Variants in CORO7 observed in about 807,000 individuals in gnomAD.
The protein encoded by CORO7 is coronin 7.
CORO7 carries 107 observed loss-of-function variants against 126.6 expected under a neutral mutation model. That is an observed-to-expected ratio of 0.85 (90% CI 0.72 to 0.99). The LOEUF is 0.99. Ranked by LOEUF, CORO7 falls within the 50% of genes least tolerant of loss-of-function variation. The pLI is 0.00. For synonymous variants in CORO7, 603 were observed against 536.8 expected (o/e 1.12, Z -1.70); for missense variants, 1,314 against 1,255.8 (o/e 1.05, Z -0.70).
intron 6 of CORO7, among the ~76,000 whole-genome samples, chr16:4,402,533 C>T (rs532298775): frequency 6.6e-6 from 1 of 152,328 alleles, no homozygotes; most frequent in Admixed American, 6.5e-5. Flanking sequence ...AGGCGTGAGC[C>T]AGCGACCGGC....
At chr16:4,369,634 A>AGCACC (rs2054458527) in intron 9 of CORO7, among the ~76,000 whole-genome samples, 1 of 152,172 alleles carries the variant, frequency 6.6e-6, no homozygotes, top group Non-Finnish European at 1.5e-5. Context: ...TCCTGTGATT[A>AGCACC]GCACCGAGGG....
chr16:4,408,152 G>C lies in CORO7; in HGVS notation c.303+29C>G, dbSNP rs1380831680. 1.9e-6 allele frequency: 3 copies of C among 1,614,016 alleles called. No individual in the cohort carries two copies. The East Asian group carries it at 6.7e-5, about 36-fold the overall frequency. Reference sequence around the variant, plus strand: ...GCCCTGGACTACGGGCTGGGACATAGAGCAGCTCTTCCAACTGGCTCCACT... The same window carrying C: ...GCCCTGGACTACGGGCTGGGACATACAGCAGCTCTTCCAACTGGCTCCACT... On this transcript the variant is annotated intron_variant, in intron 4 of 27. Transcript: ENST00000251166.
chr16:4,397,625 G>A (rs1003741106), intron 6 of CORO7, among the ~76,000 whole-genome samples: 2 of 151,914 alleles, frequency 1.3e-5, no homozygotes, highest in Admixed American at 1.3e-4. Context: ...ATTTGTTTTT[G>A]TTTTTGAGAT....
chr16:4,401,366 G>A (rs2055800179), intron 6 of CORO7, among the ~76,000 whole-genome samples: 1 of 152,210 alleles, frequency 6.6e-6, no homozygotes, highest in Non-Finnish European at 1.5e-5. Context: ...TCTGGAGAGG[G>A]CCTCAAAAGC....
chr16:4,357,861 G>A, intron 25 of CORO7, 107 bp downstream of exon 25: 1 of 1,506,682 alleles, frequency 6.6e-7, no homozygotes, highest in Non-Finnish European at 8.9e-7. Flanking sequence ...CCTCCCAAAG[G>A]CCAGAGGATT....
At chr16:4,415,753 T>A (rs1210371136) in intron 1 of CORO7, 1 of 985,050 alleles carries the variant, frequency 1.0e-6, no homozygotes, top group East Asian at 1.1e-4. Flanking sequence ...CTGACATCGT[T>A]TCCAAGGCGC....
intron 9 of CORO7, among the ~76,000 whole-genome samples, chr16:4,368,535 G>A (rs901095362): frequency 2.6e-5 from 4 of 151,846 alleles, no homozygotes; most frequent in Non-Finnish European, 4.4e-5. Context: ...ATCACTTTGG[G>A]TCAGGAGTTT....
intron 21 of CORO7, among the ~76,000 whole-genome samples, chr16:4,360,062 C>T (rs889909241): frequency 6.7e-6 from 1 of 149,124 alleles, no homozygotes; most frequent in Non-Finnish European, 1.5e-5. Flanking sequence ...CAGCCATCCG[C>T]CCATCTATCC....
At chr16:4,393,119 T>G (rs1478015554) in intron 7 of CORO7, among the ~76,000 whole-genome samples, 1 of 152,136 alleles carries the variant, frequency 6.6e-6, no homozygotes, top group Non-Finnish European at 1.5e-5. Flanking sequence ...AAGAATCACG[T>G]GGGCCCAGTG....
chr16:4,414,074 C>T (rs909753122), intron 1 of CORO7, among the ~76,000 whole-genome samples: 3 of 151,678 alleles, frequency 2.0e-5, no homozygotes, highest in African/African-American at 4.8e-5. Context: ...ACATACAATT[C>T]CAGCTACTCA....
intron 7 of CORO7, among the ~76,000 whole-genome samples, chr16:4,391,272 C>G (rs1401464985): frequency 6.6e-6 from 1 of 152,014 alleles, no homozygotes; most frequent in Admixed American, 6.6e-5. Flanking sequence ...AAAACAAACA[C>G]TAGGCCGGCA....
Position 4,407,668 on chromosome 16 carries a change from A to G in CORO7, c.320T>C (p.Leu107Pro), listed in dbSNP as rs1025778417. The G allele has an allele frequency of 1.3e-6, 2 of 1,591,936 alleles. No homozygotes were observed. The highest frequency in any genetic ancestry group is 8.5e-7 in the Non-Finnish European group (1 of 1,170,610). The change falls in exon 5 of 28, where the codon CTG (leucine) becomes CCG (proline). Residue 107 changes from leucine (L) to proline (P), a missense_variant. Physicochemically the swap from Leu to Pro is moderately conservative, Grantham distance 98. Transcript: ENST00000251166. ...GGGCAGGGCCTGGCCAGGCCCTGGC[A>G]GTCGCCAGAGTTTTACCTGCAAGAA... Reference protein sequence around the residue: ...SADRTVKLWRLPGPGQALPSA... With the variant: ...SADRTVKLWRPPGPGQALPSA...
chr16:4,374,398 AG>A (rs1421308568), intron 9 of CORO7, among the ~76,000 whole-genome samples: 7 of 151,526 alleles, frequency 4.6e-5, no homozygotes, highest in Non-Finnish European at 2.9e-5. Flanking sequence ...GGTTTTGGGC[AG>A]GGGGTGGGGG....
intron 5 of CORO7, 139 bp downstream of exon 5, chr16:4,407,362 T>C (rs2056039145): frequency 2.0e-6 from 2 of 988,434 alleles, no homozygotes; most frequent in Non-Finnish European, 2.9e-6. Context: ...CCTCATAGAA[T>C]CTTAAGACTT....
intron 13 of CORO7, 42 bp downstream of exon 13, chr16:4,364,555 G>A (rs375400003): frequency 6.5e-7 from 1 of 1,535,570 alleles, no homozygotes; most frequent in Non-Finnish European, 8.8e-7. Context: ...GGCTACCAGG[G>A]ACTCGGGGAG....
At chr16:4,358,714 C>A in intron 23 of CORO7, 1 of 428,696 alleles carries the variant, frequency 2.3e-6, no homozygotes. Flanking sequence ...GCAGCTTCTA[C>A]GTGCCACCTC....
intron 7 of CORO7, among the ~76,000 whole-genome samples, chr16:4,392,935 G>T (rs1485002303): frequency 6.6e-6 from 1 of 152,232 alleles, no homozygotes; most frequent in Non-Finnish European, 1.5e-5. Flanking sequence ...AGCCCCGCAG[G>T]GGGGCTCCCT....
At chr16:4,357,280 G>A (rs752068878) in intron 25 of CORO7, 21 bp from the exon 26 acceptor site, 9 of 1,597,374 alleles carry the variant, frequency 5.6e-6, no homozygotes, top group East Asian at 2.3e-5. Flanking sequence ...GCAAGGACAC[G>A]TGTCAGAGAG....
At chr16:4,397,804 G>A (rs1034746592) in intron 6 of CORO7, among the ~76,000 whole-genome samples, 12 of 151,978 alleles carry the variant, frequency 7.9e-5, no homozygotes, top group African/African-American at 2.7e-4. Flanking sequence ...TACTAGAGTC[G>A]GGGTTTTGCC....
Sources: gnomAD v4.1 joint callset for allele counts (sites outside exome capture counted in the v4.1 genomes callset) on GRCh38, gnomAD v4.1.1 for gene constraint, MANE v1.5 for transcripts, NCBI Gene and HGNC (gene_info 2026-07-23, HGNC 2026-07-21) for gene names.